Variants in TENM3 observed in about 807,000 individuals in gnomAD.
TENM3 encodes teneurin-3.
In TENM3, 63 loss-of-function variants were observed where a neutral mutation model predicts 255.1. That is an observed-to-expected ratio of 0.25 (90% confidence interval 0.20 to 0.30). The LOEUF (loss-of-function observed/expected upper bound fraction) is 0.30, where lower values mean the gene tolerates loss of function less well. Among genes scored for constraint, TENM3 ranks in the 10% least tolerant of loss-of-function variants. The pLI is 1.00. For synonymous variants in TENM3, 1,306 were observed against 1,322.3 expected, an observed-to-expected ratio of 0.99 and a Z score of 0.27; for missense variants, 2,929 against 3,461.1, an observed-to-expected ratio of 0.85 and a Z score of 3.86.
At chr4:182,305,650 G>C (rs144797443) in intron 1 of TENM3, among the ~76,000 whole-genome samples, 333 of 152,268 alleles carry the variant, frequency 2.2e-3, no homozygotes, top group African/African-American at 7.6e-3. Flanking sequence ...CTCTTTCCCG[G>C]TTACACGCCT....
the TENM3 span, among the ~76,000 whole-genome samples, chr4:182,134,645 T>C: frequency 6.6e-6 from 1 of 152,098 alleles, no homozygotes; most frequent in South Asian, 2.1e-4. Context: ...AGAAAGAAAT[T>C]TGGATGCTTC....
At chr4:182,704,684 A>G (rs1758137200) in intron 12 of TENM3, among the ~76,000 whole-genome samples, 2 of 152,214 alleles carry the variant, frequency 1.3e-5, no homozygotes, top group Admixed American at 6.5e-5. Context: ...TTTTACACCA[A>G]GTTTCCAAAC....
intron 3 of TENM3, among the ~76,000 whole-genome samples, chr4:182,560,644 G>A (rs1743068830): frequency 6.6e-6 from 1 of 152,134 alleles, no homozygotes; most frequent in Non-Finnish European, 1.5e-5. Flanking sequence ...GGAGCAGCAG[G>A]AATAAAACCG....
the TENM3 span, among the ~76,000 whole-genome samples, chr4:181,559,017 C>T: frequency 1.5e-4 from 23 of 151,892 alleles, 1 homozygote; most frequent in East Asian, 4.5e-3. Context: ...GACATCTGAC[C>T]TTTGTTTATC....
chr4:181,559,081 G>A, the TENM3 span, among the ~76,000 whole-genome samples: 10 of 151,568 alleles, frequency 6.6e-5, no homozygotes, highest in South Asian at 1.0e-3. Flanking sequence ...TTAAGGATTC[G>A]ACTTGCTTTT....
intron 3 of TENM3, among the ~76,000 whole-genome samples, chr4:182,526,919 T>A (rs1397294262): frequency 6.6e-6 from 1 of 152,196 alleles, no homozygotes; most frequent in African/African-American, 2.4e-5. Context: ...TGGTTACTTG[T>A]CTCTCTTTTA....
At chr4:182,022,510 CT>C in the TENM3 span, among the ~76,000 whole-genome samples, 1 of 149,074 alleles carries the variant, frequency 6.7e-6, no homozygotes, top group South Asian at 2.1e-4. Context: ...TGTAACAAAC[CT>C]GCACATGTAT....
the TENM3 span, among the ~76,000 whole-genome samples, chr4:181,856,285 G>A: frequency 6.6e-6 from 1 of 152,040 alleles, no homozygotes; most frequent in Non-Finnish European, 1.5e-5. Flanking sequence ...CTGGGACCTT[G>A]GACAAATCTT....
the TENM3 span, among the ~76,000 whole-genome samples, chr4:181,449,645 G>A: frequency 6.6e-6 from 1 of 152,008 alleles, no homozygotes; most frequent in Admixed American, 6.5e-5. Flanking sequence ...AATTTACCCG[G>A]GCATGGTGGT....
Position 182,754,248 on chromosome 4 carries a change from G to T in TENM3, c.4018-137G>T. The T allele has an allele frequency of 3.6e-6, 3 of 842,820 alleles. No homozygotes were observed. Among genetic ancestry groups the T allele is most frequent in the Non-Finnish European group, 5.3e-6 (3 of 562,636 alleles). The allele number at this position is 842,820 out of a possible 1,614,324, so 52.2% of individuals were successfully genotyped here. On this transcript the variant is annotated intron_variant, in intron 21 of 27. Coordinates refer to ENST00000511685, the MANE Select transcript of TENM3 (RefSeq NM_001080477.4). This position sits in a 1 kb window ranked among gnomAD's most constrained non-coding sequence, Gnocchi z 5.1. ...TCATTACTTTTTGGTTTATTTTACTGAGGCTATTGAAAAAACTATTATCAG... is the reference window on the plus strand; with the variant it reads ...TCATTACTTTTTGGTTTATTTTACTTAGGCTATTGAAAAAACTATTATCAG...
At chr4:181,483,599 A>G in the TENM3 span, among the ~76,000 whole-genome samples, 1 of 152,202 alleles carries the variant, frequency 6.6e-6, no homozygotes, top group African/African-American at 2.4e-5. Flanking sequence ...TTTTCTAATT[A>G]TAGATCGTAT....
intron 3 of TENM3, among the ~76,000 whole-genome samples, chr4:182,493,572 G>A (rs1484567973): frequency 6.6e-6 from 1 of 152,080 alleles, no homozygotes; most frequent in Non-Finnish European, 1.5e-5. Context: ...CATATGAAAA[G>A]TGATACCACT....
the TENM3 span, among the ~76,000 whole-genome samples, chr4:182,001,095 C>T: frequency 6.6e-6 from 1 of 150,832 alleles, no homozygotes; most frequent in Non-Finnish European, 1.5e-5. Flanking sequence ...ACCACCACCA[C>T]CCACCAAGGT....
chr4:182,619,930 T>G (rs1334064828), intron 4 of TENM3, among the ~76,000 whole-genome samples: 2 of 152,230 alleles, frequency 1.3e-5, no homozygotes, highest in African/African-American at 2.4e-5. Context: ...GCTGCTGCTT[T>G]ATTGCTGAAT....
At chr4:181,849,949 T>TCTCTCTCTCTCTCACA in the TENM3 span, among the ~76,000 whole-genome samples, 111 of 65,962 alleles carry the variant, frequency 1.7e-3, 1 homozygote, top group Non-Finnish European at 2.4e-3. Flanking sequence ...TCTCTCTCTC[T>TCTCTCTCTCTCTCACA]CACACACACA....
the TENM3 span, among the ~76,000 whole-genome samples, chr4:181,918,430 C>T: frequency 6.6e-6 from 1 of 152,034 alleles, no homozygotes; most frequent in African/African-American, 2.4e-5. Context: ...TTAACTTCTT[C>T]ATTATCTTAG....
At chr4:182,737,596 G>T (rs1163152861) in intron 17 of TENM3, among the ~76,000 whole-genome samples, 2 of 152,130 alleles carry the variant, frequency 1.3e-5, no homozygotes, top group Non-Finnish European at 2.9e-5. Context: ...TTGAATGACT[G>T]AACAGTGCAA....
intron 1 of TENM3, among the ~76,000 whole-genome samples, chr4:182,255,373 T>C (rs113882051): frequency 1.3e-5 from 2 of 152,164 alleles, no homozygotes; most frequent in African/African-American, 4.8e-5. Flanking sequence ...TGATCAGCAA[T>C]GGAAGAAAAG....
chr4:181,543,778 G>GT, the TENM3 span, among the ~76,000 whole-genome samples: 1 of 152,288 alleles, frequency 6.6e-6, no homozygotes, highest in South Asian at 2.1e-4. Flanking sequence ...TGAAGCCCAA[G>GT]GGCCACTGCT....
Sources: allele counts gnomAD v4.1 joint callset (sites outside exome capture counted in the v4.1 genomes callset), GRCh38; gene constraint gnomAD v4.1.1; non-coding constraint Gnocchi (gnomAD v3.1); transcripts MANE v1.5; gene names NCBI Gene and HGNC (gene_info 2026-07-23, HGNC 2026-07-21).